CDH23: variants seen among roughly 807,000 people sequenced by gnomAD.
CDH23 encodes cadherin related 23, also known as cadherin-23.
A neutral mutation model predicts 317.1 loss-of-function variants in CDH23; 189 were observed. The ratio of observed to expected loss-of-function variants is 0.60; its 90% CI spans 0.53 to 0.67. The LOEUF (loss-of-function observed/expected upper bound fraction) is 0.67, where lower values mean the gene tolerates loss of function less well. CDH23 is among the 30% of genes least tolerant of loss of function. CDH23 has a pLI of 0.00. For missense variants in CDH23, 4,401 were observed against 4,592.4 expected (o/e 0.96, Z 1.20); for synonymous variants, 1,839 against 1,876.8 (o/e 0.98, Z 0.52).
At chr10:71,753,814 G>T in intron 38 of CDH23, 1 of 456,510 alleles carries the variant, frequency 2.2e-6, no homozygotes, top group South Asian at 1.5e-5. Context: ...ACACAGGGAA[G>T]TTACCCAAAA....
At chr10:71,601,089 A>T (rs1441973971) in intron 9 of CDH23, among the ~76,000 whole-genome samples, 1 of 152,034 alleles carries the variant, frequency 6.6e-6, no homozygotes, top group East Asian at 1.9e-4. Context: ...TTGATGTTAT[A>T]CTCTGAGTCA....
chr10:71,725,681 C>G (rs2132806531), intron 30 of CDH23, among the ~76,000 whole-genome samples, 161 bp downstream of exon 30: 1 of 152,316 alleles, frequency 6.6e-6, no homozygotes, highest in South Asian at 2.1e-4. Flanking sequence ...GGTGCCCAGC[C>G]TGGGACTTGG....
chr10:71,697,709 G>A (rs1479374530), intron 22 of CDH23, among the ~76,000 whole-genome samples: 2 of 151,888 alleles, frequency 1.3e-5, no homozygotes, highest in Non-Finnish European at 2.9e-5. Flanking sequence ...CCTGCCTTTG[G>A]GGAGTGTCAT....
At chr10:71,426,900 C>T (rs1336943052) in intron 1 of CDH23, among the ~76,000 whole-genome samples, 1 of 151,936 alleles carries the variant, frequency 6.6e-6, no homozygotes, top group Non-Finnish European at 1.5e-5. Context: ...AATCCTAGCA[C>T]TTTGGGAGGC....
At chr10:71,753,071 G>C in intron 38 of CDH23, 1 of 1,559,532 alleles carries the variant, frequency 6.4e-7, no homozygotes, top group Non-Finnish European at 8.7e-7. Flanking sequence ...CCCTGCCCCT[G>C]CTGGCAGATG....
At chr10:71,588,899 AG>A (rs1421567657) in intron 9 of CDH23, among the ~76,000 whole-genome samples, 1 of 152,142 alleles carries the variant, frequency 6.6e-6, no homozygotes, top group Non-Finnish European at 1.5e-5. Context: ...ATGACCCTGG[AG>A]CCAGATGGAT....
chr10:71,790,858 T>G, intron 46 of CDH23: 1 of 542,802 alleles, frequency 1.8e-6, no homozygotes, highest in Non-Finnish European at 3.3e-6. Flanking sequence ...CGGTCAACCC[T>G]GTGCCCTGGG....
chr10:71,814,691 C>CACAT (rs1431787097), intron 69 of CDH23, among the ~76,000 whole-genome samples: 1 of 138,096 alleles, frequency 7.2e-6, no homozygotes, highest in African/African-American at 2.7e-5. Context: ...TACACACACA[C>CACAT]ACAATTTTCA....
At chr10:71,711,409 C>T (rs924644440) in intron 27 of CDH23, among the ~76,000 whole-genome samples, 4 of 152,162 alleles carry the variant, frequency 2.6e-5, no homozygotes, top group African/African-American at 9.7e-5. Context: ...CACCCTAGGT[C>T]TCCAGGCTAC....
intron 11 of CDH23, among the ~76,000 whole-genome samples, chr10:71,632,139 A>C (rs1009554485): frequency 2.0e-5 from 3 of 152,234 alleles, no homozygotes; most frequent in Non-Finnish European, 4.4e-5. Context: ...ATGTTAATTA[A>C]GAAAATAAAC....
chr10:71,501,407 T>C (rs77117672), intron 3 of CDH23, among the ~76,000 whole-genome samples: 2,599 of 151,712 alleles, frequency 0.017, 59 homozygotes, highest in African/African-American at 0.054. Flanking sequence ...GCTTTGAAGG[T>C]AGAGATGGTT....
At chr10:71,770,313 G>A (rs545227690) in intron 38 of CDH23, among the ~76,000 whole-genome samples, 44 of 152,354 alleles carry the variant, frequency 2.9e-4, no homozygotes, top group Non-Finnish European at 5.1e-4. Context: ...CACTTTAGAG[G>A]GAGGGGAACT....
intron 9 of CDH23, among the ~76,000 whole-genome samples, chr10:71,583,465 A>G (rs1339322166): frequency 6.6e-6 from 1 of 152,082 alleles, no homozygotes; most frequent in Non-Finnish European, 1.5e-5. Flanking sequence ...AGGTAGGAGC[A>G]GGTAGGGAAG....
chr10:71,408,293 G>A (rs1262038042), intron 1 of CDH23, among the ~76,000 whole-genome samples: 5 of 152,126 alleles, frequency 3.3e-5, no homozygotes, highest in Admixed American at 2.6e-4. Context: ...CATGGCCCTT[G>A]TCCCCCATGA....
chr10:71,535,452 T>C (rs1422010493), intron 6 of CDH23, among the ~76,000 whole-genome samples: 2 of 152,170 alleles, frequency 1.3e-5, no homozygotes, highest in Non-Finnish European at 2.9e-5. Context: ...CCAGGCCTAG[T>C]GGGCTTTGTG....
At chr10:71,568,843 A>T (rs1009434516) in intron 7 of CDH23, among the ~76,000 whole-genome samples, 1 of 151,916 alleles carries the variant, frequency 6.6e-6, no homozygotes, top group Non-Finnish European at 1.5e-5. Flanking sequence ...TGACAGGATC[A>T]CTCCCCTTTC....
chr10:71,708,732 G>A lies in CDH23; in HGVS notation c.3107-366G>A, dbSNP rs189109573. On this transcript the variant is annotated intron_variant, in intron 26 of 69. Transcript: ENST00000224721. Reference sequence around the variant, plus strand: ...CTCAGACGCTTCTGCAGGACGGGCAGGGAGCAGAGGGGTGAAGGATAAGCC... The same window carrying A: ...CTCAGACGCTTCTGCAGGACGGGCAAGGAGCAGAGGGGTGAAGGATAAGCC... 3.1e-3 allele frequency among the ~76,000 whole-genome samples: 474 copies of A among 152,368 alleles called. 2 individuals are homozygous for A. The highest frequency in any genetic ancestry group is 0.011 in the African/African-American group (450 of 41,584).
chr10:71,433,478 C>T (rs186105367), intron 1 of CDH23, among the ~76,000 whole-genome samples: 7 of 152,248 alleles, frequency 4.6e-5, no homozygotes, highest in African/African-American at 1.4e-4. Flanking sequence ...TTTGGGAGCC[C>T]TGCTGATCTT....
In CDH23 at chr10:71,710,685, C is replaced by T. The variant is rs115424374; in HGVS notation, c.3220+1474C>T. On this transcript the variant is annotated intron_variant, in intron 27 of 69. Coordinates refer to ENST00000224721, the MANE Select transcript of CDH23 (RefSeq NM_022124.6). Reference sequence around the variant, plus strand: ...CAGAAACAAGGGGTGCCCACTGCAGCCTTGGAGGCCACATAAGGTTTCAGT... The same window carrying T: ...CAGAAACAAGGGGTGCCCACTGCAGTCTTGGAGGCCACATAAGGTTTCAGT... Among the ~76,000 whole-genome samples, 934 of 152,336 alleles carry T rather than the reference C, an allele frequency of 6.1e-3. 8 individuals are homozygous for T. Among genetic ancestry groups the T allele is most frequent in the African/African-American group, 0.021 (894 of 41,588 alleles).
Sources: allele counts gnomAD v4.1 joint callset (sites outside exome capture counted in the v4.1 genomes callset), GRCh38; gene constraint gnomAD v4.1.1; transcripts MANE v1.5; gene names NCBI Gene and HGNC (gene_info 2026-07-23, HGNC 2026-07-21).